PACC1: variants seen among roughly 807,000 people sequenced by gnomAD.
The protein encoded by PACC1 is proton-activated chloride channel.
Under a neutral mutation model 39.7 loss-of-function variants are expected in PACC1, and 34 were observed. The ratio of observed to expected loss-of-function variants is 0.86; its 90% confidence interval spans 0.65 to 1.14. The LOEUF is 1.14. Ranked by LOEUF, PACC1 falls within the 50% of genes most tolerant of loss-of-function variation. PACC1 has a pLI of 0.00. For missense variants in PACC1, 379 were observed against 436.4 expected (o/e 0.87, Z 1.17); for synonymous variants, 127 against 160.6 (o/e 0.79, Z 1.58).
At chr1:212,393,753 A>G (rs1178688172) in intron 2 of PACC1, among the ~76,000 whole-genome samples, 2 of 152,198 alleles carry the variant, frequency 1.3e-5, no homozygotes, top group Non-Finnish European at 2.9e-5. Context: ...GATAAAGGGG[A>G]TATCACCACC....
At chr1:212,401,349 G>A (rs139439594) in intron 2 of PACC1, among the ~76,000 whole-genome samples, 2 of 152,118 alleles carry the variant, frequency 1.3e-5, no homozygotes, top group African/African-American at 4.8e-5. Context: ...GATACAGCTA[G>A]GCGCGGTGGC....
At chr1:212,382,340 C>T (rs1660932884) in intron 4 of PACC1, among the ~76,000 whole-genome samples, 3 of 152,222 alleles carry the variant, frequency 2.0e-5, no homozygotes, top group Middle Eastern at 3.4e-3. Flanking sequence ...CCACGCCCGG[C>T]TGGAGTGTTT....
At position 212,367,152 on chromosome 1, in the gene PACC1, T is replaced by C. The variant is rs764293909; in HGVS notation, c.892-1776A>G. Reference sequence around the variant, plus strand: ...ATGGCTAAAGAGAACCCTCCAGCGATAGTCCTCTGCAGCAACACCAAACTC... The same window carrying C: ...ATGGCTAAAGAGAACCCTCCAGCGACAGTCCTCTGCAGCAACACCAAACTC... On this transcript the variant is annotated intron_variant, in intron 7 of 7. Coordinates refer to ENST00000261455, the MANE Select transcript of PACC1 (RefSeq NM_018252.3). Among the ~76,000 whole-genome samples the C allele has an allele frequency of 8.5e-5, 13 of 152,286 alleles. No homozygotes were observed. In the East Asian group the frequency reaches 1.5e-3, roughly 18 times the overall value.
At chr1:212,388,777 C>T (rs888500495) in intron 2 of PACC1, among the ~76,000 whole-genome samples, 4 of 152,210 alleles carry the variant, frequency 2.6e-5, no homozygotes, top group Admixed American at 2.0e-4. Context: ...TTTGTTACAG[C>T]AGTCTGAGCT....
At chr1:212,410,043 A>G (rs1035450975) in intron 2 of PACC1, 5 of 202,876 alleles carry the variant, frequency 2.5e-5, no homozygotes, top group Admixed American at 1.5e-4. Context: ...TGCTTACCCA[A>G]CTGAGCAGCA....
intron 2 of PACC1, among the ~76,000 whole-genome samples, chr1:212,404,990 C>A (rs368908959): frequency 2.6e-4 from 40 of 152,226 alleles, no homozygotes; most frequent in Middle Eastern, 6.8e-3. Context: ...CCAGGCTGGT[C>A]TCGAACTCCT....
chr1:212,393,491 C>T (rs1363045569), intron 2 of PACC1, among the ~76,000 whole-genome samples: 4 of 151,954 alleles, frequency 2.6e-5, no homozygotes, highest in Non-Finnish European at 5.9e-5. Flanking sequence ...GCAGGAAAGA[C>T]CTAAAATTGA....
At position 212,400,045 on chromosome 1, in the gene PACC1, C is replaced by A. The variant is rs562939726; in HGVS notation, c.133+10380G>T. Among the ~76,000 whole-genome samples, 28 of 152,136 alleles carry A rather than the reference C, an allele frequency of 1.8e-4. 1 individual carries two copies. Among genetic ancestry groups the A allele is most frequent in the Admixed American group, 1.3e-3 (20 of 15,270 alleles). On this transcript the variant is annotated intron_variant, in intron 2 of 7. Coordinates refer to ENST00000261455, the MANE Select transcript of PACC1 (RefSeq NM_018252.3). ...ATATTTAGTAGAAACGGGCTTTCAC[C>A]ATGTTAGCCAGGCTGGTCTCAAACT...
intron 2 of PACC1, among the ~76,000 whole-genome samples, chr1:212,395,526 G>A (rs1661482008): frequency 1.3e-5 from 2 of 152,090 alleles, no homozygotes; most frequent in Admixed American, 1.3e-4. Context: ...CATAGGCATG[G>A]GCAAGGACTT....
chr1:212,391,538 T>C (rs1661319910), intron 2 of PACC1, among the ~76,000 whole-genome samples: 1 of 152,122 alleles, frequency 6.6e-6, no homozygotes, highest in Non-Finnish European at 1.5e-5. Context: ...AGAGTGCCTC[T>C]CCTCCTCCAA....
At position 212,386,946 on chromosome 1, in the gene PACC1, G is replaced by T. The variant is rs765861081; in HGVS notation, c.288C>A (p.Leu96=). 7 of 1,614,194 alleles carry T rather than the reference G, an allele frequency of 4.3e-6. No homozygotes were observed. Among genetic ancestry groups the T allele is most frequent in the Non-Finnish European group, 5.9e-6 (7 of 1,180,028 alleles). Residue 96 remains leucine, a synonymous_variant, in exon 3 of 8, where the codon CTC becomes CTA. Transcript: ENST00000261455. The surrounding 1 kb of genome is among the most constrained non-coding windows in gnomAD (Gnocchi z 5.0). ...YRTITDFREK[L]KHPVMSVSYK... is the part of the protein sequence containing the mutation. Reference sequence around the variant, plus strand: ...AAGACACAGACATGACAGGGTGCTTGAGTTTCTCACGAAAGTCTGTGATGG... The same window carrying T: ...AAGACACAGACATGACAGGGTGCTTTAGTTTCTCACGAAAGTCTGTGATGG...
chr1:212,391,337 G>C (rs1661311824), intron 2 of PACC1, among the ~76,000 whole-genome samples: 1 of 152,190 alleles, frequency 6.6e-6, no homozygotes, highest in African/African-American at 2.4e-5. Context: ...ACAGGGTCTG[G>C]AGTGCACCTC....
At chr1:212,395,123 T>C (rs968544618) in intron 2 of PACC1, among the ~76,000 whole-genome samples, 28 of 152,184 alleles carry the variant, frequency 1.8e-4, no homozygotes, top group African/African-American at 5.3e-4. Flanking sequence ...GAGCCCGCAT[T>C]GCCAAGTCAA....
chr1:212,380,156 G>C, intron 4 of PACC1, 119 bp from the exon 5 acceptor site: 2 of 1,066,080 alleles, frequency 1.9e-6, no homozygotes, highest in East Asian at 2.4e-5. Flanking sequence ...TCTCCAAAGG[G>C]ACCACTAGCC....
At position 212,396,650 on chromosome 1, in the gene PACC1, GACA is replaced by G. The variant is rs150971748; in HGVS notation, c.134-9553_134-9551del. On this transcript the variant is annotated intron_variant, in intron 2 of 7. Coordinates refer to ENST00000261455, the MANE Select transcript of PACC1 (RefSeq NM_018252.3). Reference sequence around the variant, plus strand: ...AAAAAATGGCCCAAAACTGGAGAAAGACAACAACTTACAGATCCAAGAAGCTCA... The same window carrying G: ...AAAAAATGGCCCAAAACTGGAGAAAGACAACTTACAGATCCAAGAAGCTCA... Among the ~76,000 whole-genome samples the G allele has an allele frequency of 7.1e-5, 8 of 113,216 alleles. No homozygotes were observed. The South Asian group carries it at 1.5e-3, about 21-fold the overall frequency. 74.3% of individuals were successfully genotyped at this position (113,216 alleles called of 152,430 possible).
chr1:212,384,750 G>A (rs1468604773), intron 4 of PACC1, among the ~76,000 whole-genome samples: 2 of 152,176 alleles, frequency 1.3e-5, no homozygotes, highest in African/African-American at 2.4e-5. Flanking sequence ...CTTCCCAGCC[G>A]TGCTGTGTTG....
intron 1 of PACC1, among the ~76,000 whole-genome samples, chr1:212,411,524 G>C (rs535304739): frequency 6.6e-6 from 1 of 152,120 alleles, no homozygotes. Flanking sequence ...GAAGAAGGAC[G>C]GAAAGGATAC....
At chr1:212,375,151 A>G (rs774371393) in intron 7 of PACC1, 42 bp downstream of exon 7, 1 of 1,438,878 alleles carries the variant, frequency 6.9e-7, no homozygotes, top group Non-Finnish European at 9.7e-7. Flanking sequence ...AAATAATACT[A>G]TCATAATCTT....
intron 6 of PACC1, among the ~76,000 whole-genome samples, chr1:212,376,445 T>C (rs1216893216): frequency 6.6e-6 from 1 of 152,230 alleles, no homozygotes; most frequent in Admixed American, 6.5e-5. Context: ...TTTTCACCCT[T>C]TGGTTTCGGA....
Sources: gnomAD v4.1 joint callset for allele counts (sites outside exome capture counted in the v4.1 genomes callset) on GRCh38, gnomAD v4.1.1 for gene constraint, Gnocchi (gnomAD v3.1) non-coding constraint, MANE v1.5 for transcripts, NCBI Gene and HGNC (gene_info 2026-07-23, HGNC 2026-07-21) for gene names.